The following FREM1 variants were observed in gnomAD, a reference collection of about 807,000 sequenced individuals.
FREM1 encodes the protein FRAS1 related extracellular matrix 1.
A neutral mutation model predicts 210.1 loss-of-function variants in FREM1; 220 were observed. The ratio of observed to expected loss-of-function variants is 1.05; its 90% confidence interval spans 0.94 to 1.17. FREM1 has a LOEUF of 1.17. FREM1 is among the 50% of genes most tolerant of loss of function. The probability of loss-of-function intolerance (pLI) is 0.00; values close to 1 mark genes in which losing one functional copy is unlikely to be tolerated. For synonymous variants in FREM1, 1,189 were observed against 980.2 expected (o/e 1.21, Z -3.98); for missense variants, 3,454 against 2,675.5 (o/e 1.29, Z -6.42).
intron 6 of FREM1, among the ~76,000 whole-genome samples, chr9:14,849,690 C>A (rs1361192700): frequency 1.3e-5 from 2 of 152,200 alleles, no homozygotes; most frequent in African/African-American, 4.8e-5. Context: ...AGGGGTAATG[C>A]ATTCGGTTGG....
At chr9:14,800,571 T>C (rs1470761884) in intron 20 of FREM1, among the ~76,000 whole-genome samples, 1 of 152,212 alleles carries the variant, frequency 6.6e-6, no homozygotes. Flanking sequence ...ACTGTGGAAA[T>C]TTTGGCAGAC....
chr9:14,791,888 A>T (rs1219535284), intron 22 of FREM1, among the ~76,000 whole-genome samples: 1 of 150,556 alleles, frequency 6.6e-6, no homozygotes, highest in East Asian at 2.0e-4. Context: ...GCTGGAGTGC[A>T]GCAGCACAAT....
intron 21 of FREM1, among the ~76,000 whole-genome samples, chr9:14,793,653 T>C (rs1459352374): frequency 6.6e-6 from 1 of 152,202 alleles, no homozygotes; most frequent in East Asian, 1.9e-4. Context: ...TAGCTCTCAG[T>C]TGTGGTCATC....
At position 14,857,485 on chromosome 9, in the gene FREM1, G is replaced by C. The variant is rs75513240; in HGVS notation, c.828+68C>G. 9.1e-4 allele frequency: 1,200 copies of C among 1,323,874 alleles called. 6 individuals are homozygous for C. In the African/African-American group the frequency reaches 0.015, roughly 17 times the overall value. The allele number at this position is 1,323,874 out of a possible 1,614,324, so 82.0% of individuals were successfully genotyped here. On this transcript the variant is annotated intron_variant, in intron 5 of 36. Coordinates refer to ENST00000380880, the MANE Select transcript of FREM1 (RefSeq NM_001379081.2). ...CTCCCTGGCATGGGGGCGAGCATGA[G>C]TAAGCCTGTGTAACTGGCTCTCTTA...
intron 25 of FREM1, among the ~76,000 whole-genome samples, chr9:14,774,511 ATCTCTCTCTCTCTC>A (rs36211636): frequency 0.076 from 10,416 of 136,232 alleles, 414 homozygotes; most frequent in Non-Finnish European, 0.091. Flanking sequence ...CCTAAAATAA[ATCTCTCTCTCTCTC>A]TCTCTCTCTC....
intron 20 of FREM1, among the ~76,000 whole-genome samples, chr9:14,800,119 G>T (rs1405921346): frequency 1.3e-5 from 2 of 151,876 alleles, no homozygotes; most frequent in Non-Finnish European, 1.5e-5. Context: ...AAACCTTTGG[G>T]GCAGAAAGCT....
chr9:14,809,226 C>T, intron 16 of FREM1, among the ~76,000 whole-genome samples: 1 of 152,180 alleles, frequency 6.6e-6, no homozygotes, highest in Non-Finnish European at 1.5e-5. Flanking sequence ...TGCCTTCTGC[C>T]ATGATCATGA....
At chr9:14,849,681 G>A (rs1326418686) in intron 6 of FREM1, among the ~76,000 whole-genome samples, 1 of 152,204 alleles carries the variant, frequency 6.6e-6, no homozygotes, top group African/African-American at 2.4e-5. Flanking sequence ...CTTTTTTGGA[G>A]GGGTAATGCA....
intron 1 of FREM1, among the ~76,000 whole-genome samples, chr9:14,906,449 A>T (rs1445427523): frequency 6.6e-6 from 1 of 152,212 alleles, no homozygotes; most frequent in African/African-American, 2.4e-5. Flanking sequence ...GAATTAAAGT[A>T]TTGCTGTTGT....
chr9:14,746,594 C>T (rs2131987908), intron 34 of FREM1, 126 bp from the exon 35 acceptor site: 1 of 709,606 alleles, frequency 1.4e-6, no homozygotes, highest in East Asian at 2.6e-5. Context: ...GGGAGTCAGC[C>T]CTAATCCCAA....
In FREM1 at chr9:14,895,154, T is replaced by A. The variant is rs72713632; in HGVS notation, c.-268+14760A>T. ...ATGGCCGGTCTCAGCTTTAAAAAAGTCTTATTTGAGATTCCTTACGGAACA... is the reference window on the plus strand; with the variant it reads ...ATGGCCGGTCTCAGCTTTAAAAAAGACTTATTTGAGATTCCTTACGGAACA... On this transcript the variant is annotated intron_variant, in intron 1 of 36. Coordinates refer to ENST00000380880, the MANE Select transcript of FREM1 (RefSeq NM_001379081.2). Among the ~76,000 whole-genome samples the A allele has an allele frequency of 8.5e-3, 1,290 of 152,298 alleles. 13 individuals carry two copies. The highest frequency in any genetic ancestry group is 0.013 in the Non-Finnish European group (897 of 68,016).
chr9:14,842,347 C>T lies in FREM1; in HGVS notation c.1707G>A (p.Glu569=), dbSNP rs778796670. The change falls in exon 9 of 37, where the codon GAG becomes GAA. Residue 569 remains glutamate (E), a synonymous_variant. Transcript: ENST00000380880. ...FNITKPPQAG[E]IMKKPGPGLI... ...GTCCTGGCCCTGGCTTCTTCATGAT[C>T]TCCCCAGCCTGTGGAGGCTTTGTGA... The T allele has an allele frequency of 6.3e-7, 1 of 1,597,010 alleles. No homozygotes were observed. Among genetic ancestry groups the T allele is most frequent in the Non-Finnish European group, 8.5e-7 (1 of 1,170,174 alleles).
chr9:14,824,127 T>A lies in FREM1; in HGVS notation c.2079-12A>T. ...CAGCATCCAAGTGTCTAAAGAGAAA[T>A]ACAGAGGAGCACATCAGCTCATTTT... On this transcript the variant is annotated splice_polypyrimidine_tract_variant and intron_variant, in intron 11 of 36. Coordinates refer to ENST00000380880, the MANE Select transcript of FREM1 (RefSeq NM_001379081.2). The A allele has an allele frequency of 1.3e-6, 2 of 1,514,808 alleles. No homozygotes were observed. Among genetic ancestry groups the A allele is most frequent in the Non-Finnish European group, 1.8e-6 (2 of 1,107,278 alleles). 93.8% of individuals were successfully genotyped at this position (1,514,808 alleles called of 1,614,324 possible). A position where few individuals can be genotyped will look rare whatever the true frequency, so the allele number is the denominator to read the frequency against.
Position 14,851,279 on chromosome 9 carries a change from C to T in FREM1, c.1152+5G>A. ...TAGGCTGGAAGCTTTGTCTCTCCTT[C>T]TTACCTCATCATGTCTCCTCTCAGA... On this transcript the variant is annotated splice_donor_5th_base_variant and intron_variant, in intron 6 of 36. Coordinates refer to ENST00000380880, the MANE Select transcript of FREM1 (RefSeq NM_001379081.2). 1 of 1,571,806 alleles carries T rather than the reference C, an allele frequency of 6.4e-7. No homozygotes were observed. Among genetic ancestry groups the T allele is most frequent in the Non-Finnish European group, 8.6e-7 (1 of 1,158,274 alleles).
intron 23 of FREM1, among the ~76,000 whole-genome samples, chr9:14,786,383 G>A (rs1017014712): frequency 2.6e-5 from 4 of 152,130 alleles, no homozygotes; most frequent in African/African-American, 9.7e-5. Flanking sequence ...TAAATGCCAA[G>A]CTATTTCTGA....
At chr9:14,785,649 C>T (rs532977426) in intron 23 of FREM1, among the ~76,000 whole-genome samples, 1 of 151,868 alleles carries the variant, frequency 6.6e-6, no homozygotes, top group Admixed American at 6.6e-5. Context: ...CATGCATGAA[C>T]CTTGGGGACA....
intron 2 of FREM1, among the ~76,000 whole-genome samples, chr9:14,864,152 T>A (rs573418764): frequency 6.6e-6 from 1 of 151,922 alleles, no homozygotes; most frequent in African/African-American, 2.4e-5. Flanking sequence ...AGAAAATTAG[T>A]TAAGGGATGA....
At chr9:14,825,101 A>G (rs1037222799) in intron 10 of FREM1, 109 bp from the exon 11 acceptor site, 6 of 702,112 alleles carry the variant, frequency 8.5e-6, no homozygotes, top group Non-Finnish European at 1.4e-5. Flanking sequence ...ACTGTCATTT[A>G]TAATATACTT....
Position 14,823,288 on chromosome 9 carries a change from T to C in FREM1, c.2209A>G (p.Met737Val). The C allele has an allele frequency of 6.2e-7, 1 of 1,613,916 alleles. No individual in the cohort carries two copies. Among genetic ancestry groups the C allele is most frequent in the Non-Finnish European group, 8.5e-7 (1 of 1,179,834 alleles). The change falls in exon 13 of 37, where the codon ATG becomes GTG. Residue 737 changes from methionine to valine, a missense_variant. By Grantham distance (21) the Met-to-Val change is conservative. Coordinates refer to ENST00000380880, the MANE Select transcript of FREM1 (RefSeq NM_001379081.2). The stretch of plus-strand genomic sequence containing the variant: ...CTGCAATGGGGACCAATGTCTTGCA[T>C]GGGGGGCATGTAGGCCACTTTCATA... ...NYMKVAYMPP[M>V]QDIGPHCRDV...
Sources: allele counts gnomAD v4.1 joint callset (sites outside exome capture counted in the v4.1 genomes callset), GRCh38; gene constraint gnomAD v4.1.1; transcripts MANE v1.5; gene names NCBI Gene and HGNC (gene_info 2026-07-23, HGNC 2026-07-21).